PPARA: variants seen among roughly 807,000 people sequenced by gnomAD.
PPARA encodes peroxisome proliferator activated receptor alpha, also known as peroxisome proliferator-activated receptor alpha.
Under a neutral mutation model 42.2 loss-of-function variants are expected in PPARA, and 22 were observed. The observed-to-expected ratio is 0.52, with a 90% CI of 0.37 to 0.74. The LOEUF is 0.74. Ranked by LOEUF, PPARA falls within the 30% of genes least tolerant of loss-of-function variation. The pLI is 0.00. For synonymous variants in PPARA, 242 were observed against 239.3 expected (o/e 1.01, Z -0.10); for missense variants, 465 against 608.2 (o/e 0.76, Z 2.48).
rs963264893 is a variant in PPARA at position 46,207,426 on chromosome 22, C to T, written c.209-7747C>T. Among the ~76,000 whole-genome samples the T allele has an allele frequency of 1.4e-4, 21 of 149,798 alleles. 1 individual carries two copies. The highest frequency in any genetic ancestry group is 4.6e-4 in the African/African-American group (19 of 41,116). ...CCTCCCAAGTAGCTGAGATTACAGGCACCCACCACCACACCCGGCTAATTT... is the reference window on the plus strand; with the variant it reads ...CCTCCCAAGTAGCTGAGATTACAGGTACCCACCACCACACCCGGCTAATTT... On this transcript the variant is annotated intron_variant, in intron 4 of 8. Coordinates refer to ENST00000407236, the MANE Select transcript of PPARA (RefSeq NM_005036.6).
At chr22:46,229,603 C>T (rs1049549288) in intron 7 of PPARA, among the ~76,000 whole-genome samples, 7 of 151,938 alleles carry the variant, frequency 4.6e-5, no homozygotes, top group African/African-American at 1.7e-4. Flanking sequence ...AATGTTAATT[C>T]CTTAAATCTG....
chr22:46,179,849 A>G (rs187831799), intron 3 of PPARA, among the ~76,000 whole-genome samples: 1 of 152,338 alleles, frequency 6.6e-6, no homozygotes, highest in Admixed American at 6.5e-5. Context: ...GACAGAAAAA[A>G]TTCTCAAAAC....
Position 46,216,172 on chromosome 22 carries a change from C to T in PPARA, c.369+839C>T, listed in dbSNP as rs1271350176. Among the ~76,000 whole-genome samples, 1 of 152,044 alleles carries T rather than the reference C, an allele frequency of 6.6e-6. No homozygotes were observed. The highest frequency in any genetic ancestry group is 1.9e-4 in the East Asian group (1 of 5,178). On this transcript the variant is annotated intron_variant, in intron 5 of 8. Transcript: ENST00000407236. This position sits in a 1 kb window ranked among gnomAD's most constrained non-coding sequence, Gnocchi z 4.5. ...CCGAGGCGGCTGGATCACCTGAGGTCAGGAGTTCAAGACCAGCCTGGCCAA... is the reference window on the plus strand; with the variant it reads ...CCGAGGCGGCTGGATCACCTGAGGTTAGGAGTTCAAGACCAGCCTGGCCAA...
rs913992932 is a variant in PPARA, at chr22:46,243,519, T to C, written c.*8139T>C. On this transcript the variant is annotated 3_prime_UTR_variant, in exon 9 of 9. Transcript: ENST00000407236. This position sits in a 1 kb window ranked among gnomAD's most constrained non-coding sequence, Gnocchi z 5.0. The stretch of plus-strand genomic sequence containing the variant: ...TAATTTTTCTAGTCACATGAACTGA[T>C]TGGTTCCAGGCAATTAGAAAATGGC... 1.3e-5 allele frequency: 2 copies of C among 152,086 alleles called. No homozygotes were observed. The highest frequency in any genetic ancestry group is 1.5e-5 in the Non-Finnish European group (1 of 68,016). 9.4% of individuals were successfully genotyped at this position (152,086 alleles called of 1,614,324 possible).
In PPARA at chr22:46,216,410, A is replaced by G. The variant is rs4253743; in HGVS notation, c.369+1077A>G. ...AAAAAAAAAAAAAGAGAGAAAAGAA[A>G]ATAAGCCACATTAAGAACATCACTT... On this transcript the variant is annotated intron_variant, in intron 5 of 8. Coordinates refer to ENST00000407236, the MANE Select transcript of PPARA (RefSeq NM_005036.6). This position sits in a 1 kb window ranked among gnomAD's most constrained non-coding sequence, Gnocchi z 4.5. Among the ~76,000 whole-genome samples the G allele has an allele frequency of 0.077, 11,657 of 151,980 alleles. 1,328 individuals carry two copies. The highest frequency in any genetic ancestry group is 0.25 in the African/African-American group (10,540 of 41,336).
At chr22:46,186,241 A>C (rs1930787311) in intron 3 of PPARA, among the ~76,000 whole-genome samples, 2 of 152,032 alleles carry the variant, frequency 1.3e-5, no homozygotes, top group South Asian at 4.2e-4. Context: ...TTATTTAAGT[A>C]ATGCGAAGTC....
At position 46,231,388 on chromosome 22, in the gene PPARA, T is replaced by A. The variant is rs1415867870; in HGVS notation, c.712-404T>A. On this transcript the variant is annotated intron_variant, in intron 7 of 8. Transcript: ENST00000407236. The surrounding 1 kb of genome is among the most constrained non-coding windows in gnomAD (Gnocchi z 7.7). ...CGCCCGCCACCACACCCAGCTAATT[T>A]TTTTGTATTTTTAGTAGAGACGGGG... is the stretch of plus-strand genomic sequence containing the variant. Among the ~76,000 whole-genome samples, 3 of 151,920 alleles carry A rather than the reference T, an allele frequency of 2.0e-5. No individual in the cohort carries two copies. Among genetic ancestry groups the A allele is most frequent in the Non-Finnish European group, 1.5e-5 (1 of 67,990 alleles).
At chr22:46,206,214 G>A (rs953296072) in intron 4 of PPARA, among the ~76,000 whole-genome samples, 1 of 152,090 alleles carries the variant, frequency 6.6e-6, no homozygotes, top group Non-Finnish European at 1.5e-5. Context: ...CAATTCTCCT[G>A]CCTCATCCTC....
At chr22:46,164,256 T>C (rs1315127518) in intron 2 of PPARA, 1 of 82,548 alleles carries the variant, frequency 1.2e-5, no homozygotes, top group African/African-American at 7.7e-5. Context: ...CATACAGTAA[T>C]TTTTTTTTTT....
intron 2 of PPARA, among the ~76,000 whole-genome samples, chr22:46,172,885 G>C (rs1032201056): frequency 1.3e-5 from 2 of 152,194 alleles, no homozygotes; most frequent in Admixed American, 1.3e-4. Flanking sequence ...ACCCAGAAAC[G>C]TGACTGTCTC....
rs1444161020 is a variant in PPARA, at chr22:46,195,373, T to C, written c.-42-2969T>C. 6.6e-6 allele frequency among the ~76,000 whole-genome samples: 1 copy of C among 152,170 alleles called. No individual in the cohort carries two copies. Among genetic ancestry groups the C allele is most frequent in the Non-Finnish European group, 1.5e-5 (1 of 68,018 alleles). On this transcript the variant is annotated intron_variant, in intron 3 of 8. Coordinates refer to ENST00000407236, the MANE Select transcript of PPARA (RefSeq NM_005036.6). This position sits in a 1 kb window ranked among gnomAD's most constrained non-coding sequence, Gnocchi z 4.6. The stretch of plus-strand genomic sequence containing the variant: ...CCTTCAGACAGAATGCAGAATAAAA[T>C]ACTACAGAAAATCTGTACAGAGTCC...
intron 2 of PPARA, among the ~76,000 whole-genome samples, chr22:46,168,604 T>C (rs1927490148): frequency 6.6e-6 from 1 of 151,808 alleles, no homozygotes; most frequent in Admixed American, 6.6e-5. Context: ...GGGTGAAAGA[T>C]GAACTAACTC....
rs1464028648 is a variant in PPARA at position 46,193,051 on chromosome 22, A to G, written c.-42-5291A>G. 6.6e-6 allele frequency among the ~76,000 whole-genome samples: 1 copy of G among 151,968 alleles called. No individual in the cohort carries two copies. Among genetic ancestry groups the G allele is most frequent in the East Asian group, 1.9e-4 (1 of 5,186 alleles). On this transcript the variant is annotated intron_variant, in intron 3 of 8. Transcript: ENST00000407236. The surrounding 1 kb of genome is among the most constrained non-coding windows in gnomAD (Gnocchi z 5.3). The stretch of plus-strand genomic sequence containing the variant: ...CTAGAAAGAATGAATAAGACCCACT[A>G]GGTTTTTTGTTGTTTTGTTGTTGTT...
rs961926784 is a variant in PPARA, at chr22:46,212,354, G to A, written c.209-2819G>A. 2.0e-5 allele frequency among the ~76,000 whole-genome samples: 3 copies of A among 152,092 alleles called. No homozygotes were observed. The highest frequency in any genetic ancestry group is 7.2e-5 in the African/African-American group (3 of 41,392). ...TGACAGGCATGAGCTACCGTGCCCA[G>A]ACCACTGTTAGATTTTCATATGAAT... On this transcript the variant is annotated intron_variant, in intron 4 of 8. Transcript: ENST00000407236. This position sits in a 1 kb window ranked among gnomAD's most constrained non-coding sequence, Gnocchi z 4.2.
In PPARA at chr22:46,212,457, T is replaced by C. The variant is rs916388026; in HGVS notation, c.209-2716T>C. ...CCACCCCCAGCCAGCTCAGAAATGG[T>C]TCTTTTTACCATTGCTATAATTTTG... On this transcript the variant is annotated intron_variant, in intron 4 of 8. Coordinates refer to ENST00000407236, the MANE Select transcript of PPARA (RefSeq NM_005036.6). This position sits in a 1 kb window ranked among gnomAD's most constrained non-coding sequence, Gnocchi z 4.2. Among the ~76,000 whole-genome samples, 1 of 152,180 alleles carries C rather than the reference T, an allele frequency of 6.6e-6. No homozygotes were observed. Among genetic ancestry groups the C allele is most frequent in the African/African-American group, 2.4e-5 (1 of 41,458 alleles).
chr22:46,199,019 G>A (rs913418630), intron 4 of PPARA, among the ~76,000 whole-genome samples: 3 of 152,174 alleles, frequency 2.0e-5, no homozygotes, highest in South Asian at 2.1e-4. Context: ...AGCTTCAGAC[G>A]TGGTAAAGCA....
chr22:46,157,834 A>T (rs965663014), intron 2 of PPARA, among the ~76,000 whole-genome samples: 7 of 152,142 alleles, frequency 4.6e-5, no homozygotes, highest in Admixed American at 1.3e-4. Context: ...AGGAGGCAGG[A>T]CTCATCGGAA....
chr22:46,189,367 G>C (rs367878398), intron 3 of PPARA, among the ~76,000 whole-genome samples: 60 of 152,326 alleles, frequency 3.9e-4, no homozygotes, highest in African/African-American at 1.4e-3. Flanking sequence ...TTGCACCTTT[G>C]AAGATAAAGG....
Position 46,182,622 on chromosome 22 carries a change from C to T in PPARA, c.-43+5786C>T, listed in dbSNP as rs1324527876. The stretch of plus-strand genomic sequence containing the variant: ...AGGATGATGGGTCTGCGTACTGTCT[C>T]GGCTATGATAGTGGTTTCACAGGTT... On this transcript the variant is annotated intron_variant, in intron 3 of 8. Transcript: ENST00000407236. The surrounding 1 kb of genome is among the most constrained non-coding windows in gnomAD (Gnocchi z 5.2). Among the ~76,000 whole-genome samples, 3 of 152,004 alleles carry T rather than the reference C, an allele frequency of 2.0e-5. No individual in the cohort carries two copies. The highest frequency in any genetic ancestry group is 4.1e-4 in the South Asian group (2 of 4,824).
Sources: gnomAD v4.1 joint callset for allele counts (sites outside exome capture counted in the v4.1 genomes callset) on GRCh38, gnomAD v4.1.1 for gene constraint, Gnocchi (gnomAD v3.1) non-coding constraint, MANE v1.5 for transcripts, NCBI Gene and HGNC (gene_info 2026-07-23, HGNC 2026-07-21) for gene names.